The following APEH variants were observed in gnomAD, a reference collection of about 807,000 sequenced individuals.
APEH encodes acylamino-acid-releasing enzyme.
Under a neutral mutation model 102.7 loss-of-function variants are expected in APEH, and 75 were observed. The observed-to-expected ratio is 0.73, with a 90% CI of 0.61 to 0.89. APEH has a LOEUF of 0.89. APEH is among the 40% of genes least tolerant of loss of function. The pLI is 0.00. For synonymous variants in APEH, 344 were observed against 362.7 expected (o/e 0.95, Z 0.59); for missense variants, 863 against 941.2 (o/e 0.92, Z 1.09).
At chr3:49,681,383 G>A in intron 15 of APEH, 144 bp downstream of exon 15, 1 of 1,039,344 alleles carries the variant, frequency 9.6e-7, no homozygotes, top group Non-Finnish European at 1.3e-6. Flanking sequence ...TTGTGGATGG[G>A]CATGGGAAGT....
chr3:49,679,661 G>A lies in APEH; in HGVS notation c.1210+17G>A. ...TCACAGCTGGTGAGCAAGGCTTTGGGGATGGGGGTAAGGGCAGGGCTGGTG... is the reference window on the plus strand; with the variant it reads ...TCACAGCTGGTGAGCAAGGCTTTGGAGATGGGGGTAAGGGCAGGGCTGGTG... On this transcript the variant is annotated intron_variant, in intron 13 of 21. Coordinates refer to ENST00000296456, the MANE Select transcript of APEH (RefSeq NM_001640.4). This position sits in a 1 kb window ranked among gnomAD's most constrained non-coding sequence, Gnocchi z 4.3. The A allele has an allele frequency of 2.5e-6, 4 of 1,613,148 alleles. No individual in the cohort carries two copies. The highest frequency in any genetic ancestry group is 3.4e-6 in the Non-Finnish European group (4 of 1,179,256).
intron 11 of APEH, 54 bp from the exon 12 acceptor site, chr3:49,678,798 C>T: frequency 6.9e-7 from 1 of 1,449,070 alleles, no homozygotes; most frequent in Non-Finnish European, 9.7e-7. Flanking sequence ...TCCTTGTAGA[C>T]TACCCTCCCT....
chr3:49,676,585 C>T (rs752924464), intron 7 of APEH, 24 bp from the exon 8 acceptor site: 8 of 1,614,250 alleles, frequency 5.0e-6, no homozygotes, highest in Non-Finnish European at 6.8e-6. Flanking sequence ...CTTGCTCACT[C>T]CTGCCCTTTG....
Position 49,683,809 on chromosome 3 carries a change from C to G in APEH, c.*467C>G, listed in dbSNP as rs2053466060. ...ACGGCACCCATGGGCAAAAGTAGTC[C>G]CAGGGACATTGCCTTGGTTGGGGAA... is the stretch of plus-strand genomic sequence containing the variant. On this transcript the variant is annotated 3_prime_UTR_variant, in exon 22 of 22. Coordinates refer to ENST00000296456, the MANE Select transcript of APEH (RefSeq NM_001640.4). 1 of 655,126 alleles carries G rather than the reference C, an allele frequency of 1.5e-6. No homozygotes were observed. Among genetic ancestry groups the G allele is most frequent in the African/African-American group, 1.8e-5 (1 of 54,930 alleles). The allele number at this position is 655,126 out of a possible 1,614,324, so 40.6% of individuals were successfully genotyped here. A position where few individuals can be genotyped will look rare whatever the true frequency, so the allele number is the denominator to read the frequency against.
In APEH at chr3:49,676,129, G is replaced by A. The variant is rs779974389; in HGVS notation, c.516G>A (p.Lys172=). ...LLYVAEKKRP[K]AESFFQTKAL... ...ATGTGGCAGAGAAGAAGCGCCCCAA[G>A]GCCGAGTCCTTCTTTCAGACCAAAG... The change falls in exon 6 of 22, where the codon AAG becomes AAA. Residue 172 remains lysine (K), a synonymous_variant. Transcript: ENST00000296456. 6.2e-6 allele frequency: 10 copies of A among 1,614,208 alleles called. No homozygotes were observed. The highest frequency in any genetic ancestry group is 8.5e-6 in the Non-Finnish European group (10 of 1,180,042).
chr3:49,677,478 G>A, intron 10 of APEH, 95 bp from the exon 11 acceptor site: 1 of 1,143,926 alleles, frequency 8.7e-7, no homozygotes, highest in Non-Finnish European at 1.3e-6. Context: ...CCATCTCCTG[G>A]GGCTACCTGA....
In APEH at chr3:49,682,845, G is replaced by T. The variant is rs781655650; in HGVS notation, c.1886G>T (p.Cys629Phe). Reference sequence around the variant, plus strand: ...TGCAACAGCTCGGTGTCTTGCAGGTGCGTGGTGGAGGCTGGCTTTCCTTTC... The same window carrying T: ...TGCAACAGCTCGGTGTCTTGCAGGTTCGTGGTGGAGGCTGGCTTTCCTTTC... ...MLGSTDIPDW[C>F]VVEAGFPFSS... Residue 629 changes from cysteine to phenylalanine, a missense_variant and splice_region_variant, in exon 20 of 22, where the codon TGC (cysteine) becomes TTC (phenylalanine). By Grantham distance (205) the Cys-to-Phe change is radical. Coordinates refer to ENST00000296456, the MANE Select transcript of APEH (RefSeq NM_001640.4). 6 of 1,614,086 alleles carry T rather than the reference G, an allele frequency of 3.7e-6. No homozygotes were observed. In the South Asian group the frequency reaches 6.6e-5, roughly 18 times the overall value.
At chr3:49,678,516 A>G (rs2053172614) in intron 11 of APEH, among the ~76,000 whole-genome samples, 4 of 152,148 alleles carry the variant, frequency 2.6e-5, no homozygotes, top group Admixed American at 2.6e-4. Flanking sequence ...CGGACAGATG[A>G]TATCTTGGTT....
Position 49,683,040 on chromosome 3 carries a change from GT to G in APEH, c.1988del (p.Val663GlyfsTer7), listed in dbSNP as rs1447273269. 2.5e-6 allele frequency: 4 copies of G among 1,613,908 alleles called. No individual in the cohort carries two copies. The highest frequency in any genetic ancestry group is 3.4e-6 in the Non-Finnish European group (4 of 1,179,940). On this transcript the variant is annotated frameshift_variant and splice_region_variant, in exon 21 of 22. Coordinates refer to ENST00000296456, the MANE Select transcript of APEH (RefSeq NM_001640.4). LOFTEE classifies it high-confidence loss of function. Reference sequence around the variant, plus strand: ...TCCCCACTCTTCCCCAAACACCCAGGTGAAGACACCACTGTTACTGATGTTG... The same window carrying G: ...TCCCCACTCTTCCCCAAACACCCAGGGAAGACACCACTGTTACTGATGTTG... ...DKSPIRYIPQVKTPLLLMLGQ... is the reference protein window; with the variant it reads ...DKSPIRYIPQXKTPLLLMLGQ...
Position 49,676,723 on chromosome 3 carries a change from G to C in APEH, c.836+23G>C, listed in dbSNP as rs148822102. On this transcript the variant is annotated intron_variant, in intron 8 of 21. Transcript: ENST00000296456. Reference sequence around the variant, plus strand: ...CAGGTGAGGGAGTGGGGCAAGGCAAGGGGCCTTGCAGCCCAGCTGGCCTTG... The same window carrying C: ...CAGGTGAGGGAGTGGGGCAAGGCAACGGGCCTTGCAGCCCAGCTGGCCTTG... 407 of 1,614,198 alleles carry C rather than the reference G, an allele frequency of 2.5e-4. 3 individuals carry two copies. In the East Asian group the frequency reaches 9.0e-3, roughly 36 times the overall value.
Position 49,679,634 on chromosome 3 carries a change from C to T in APEH, c.1200C>T (p.Ser400=), listed in dbSNP as rs1332105778. The T allele has an allele frequency of 6.2e-7, 1 of 1,613,810 alleles. No individual in the cohort carries two copies. The highest frequency in any genetic ancestry group is 8.5e-7 in the Non-Finnish European group (1 of 1,179,788). ...AVDTQVGTVT[S]LTAGGSGGSW... Reference sequence around the variant, plus strand: ...ACACCCAAGTGGGCACTGTGACCTCCCTCACAGCTGGTGAGCAAGGCTTTG... The same window carrying T: ...ACACCCAAGTGGGCACTGTGACCTCTCTCACAGCTGGTGAGCAAGGCTTTG... The change falls in exon 13 of 22, where the codon TCC becomes TCT. Residue 400 remains serine (S), a synonymous_variant. Transcript: ENST00000296456. This position sits in a 1 kb window ranked among gnomAD's most constrained non-coding sequence, Gnocchi z 4.3.
rs149050354 is a variant in APEH, at chr3:49,676,218, A to G, written c.605A>G (p.Lys202Arg). Residue 202 changes from lysine (K) to arginine (R), a missense_variant and splice_region_variant, in exon 6 of 22, where the codon AAG becomes AGG. Coordinates refer to ENST00000296456, the MANE Select transcript of APEH (RefSeq NM_001640.4). ...ARLKKPDQAI[K>R]GDQFVFYEDW... is the part of the protein sequence containing the mutation. ...CTGAAGAAGCCAGACCAAGCCATCA[A>G]GGTGCTCGTGGTCAATCCACGAAGG... 9.9e-5 allele frequency: 159 copies of G among 1,613,734 alleles called. No individual in the cohort carries two copies. The highest frequency in any genetic ancestry group is 4.7e-5 in the Non-Finnish European group (55 of 1,179,906).
rs771044671 is a variant in APEH at position 49,676,512 on chromosome 3, A to G, written c.741A>G (p.Gly247=). The G allele has an allele frequency of 6.2e-7, 1 of 1,614,232 alleles. No homozygotes were observed. Among genetic ancestry groups the G allele is most frequent in the South Asian group, 1.1e-5 (1 of 91,086 alleles). Residue 247 remains glycine, a synonymous_variant, in exon 7 of 22, where the codon GGA becomes GGG. Transcript: ENST00000296456. ...GGGTCCCTGAGAATGTGTCCCCTGG[A>G]CAGGTCAGCAGCAACAGCCTGTGTC... is the stretch of plus-strand genomic sequence containing the variant. ...LEGVPENVSP[G]QAFWAPGDAG...
chr3:49,674,544 A>C lies in APEH; in HGVS notation c.68A>C (p.Gln23Pro). ...AAALYRGLSR[Q>P]PALSAACLGP... is the part of the protein sequence containing the mutation. ...GCTCTGTATCGGGGCCTTAGCCGCC[A>C]GCCCGCGCTGAGCGCCGCCTGCCTG... Residue 23 changes from glutamine (Q) to proline (P), a missense_variant, in exon 2 of 22, where the codon CAG becomes CCG. Transcript: ENST00000296456. 1 of 1,565,668 alleles carries C rather than the reference A, an allele frequency of 6.4e-7. No individual in the cohort carries two copies. The highest frequency in any genetic ancestry group is 2.3e-5 in the East Asian group (1 of 43,654).
At position 49,677,638 on chromosome 3, in the gene APEH, G is replaced by A. The variant is rs781408120; in HGVS notation, c.1060+5G>A. The A allele has an allele frequency of 2.5e-6, 4 of 1,612,722 alleles. No individual in the cohort carries two copies. The Admixed American group carries it at 6.7e-5, about 27-fold the overall frequency. ...TTGTGCCTCGGCAGCTGGGAGGTAA[G>A]GCATACCTGGCTGGGTGGGTGCAGT... is the stretch of plus-strand genomic sequence containing the variant. On this transcript the variant is annotated splice_donor_5th_base_variant and intron_variant, in intron 11 of 21. Coordinates refer to ENST00000296456, the MANE Select transcript of APEH (RefSeq NM_001640.4).
rs781180291 is a variant in APEH at position 49,674,401 on chromosome 3, T to C, written c.-1T>C. The C allele has an allele frequency of 7.0e-6, 11 of 1,576,788 alleles. No individual in the cohort carries two copies. In the African/African-American group the frequency reaches 8.1e-5, roughly 12 times the overall value. ...CTCGCCCCGGCGGCAGAGAGGAGACTATGGAACGTCAGGTGAGGGCTCGGC... is the reference window on the plus strand; with the variant it reads ...CTCGCCCCGGCGGCAGAGAGGAGACCATGGAACGTCAGGTGAGGGCTCGGC... On this transcript the variant is annotated 5_prime_UTR_variant, in exon 1 of 22. Coordinates refer to ENST00000296456, the MANE Select transcript of APEH (RefSeq NM_001640.4).
At chr3:49,682,490 G>T in intron 18 of APEH, 54 bp downstream of exon 18, 2 of 1,612,340 alleles carry the variant, frequency 1.2e-6, no homozygotes, top group Non-Finnish European at 1.7e-6. Context: ...CCAGGGGGAT[G>T]CCTCCATTCA....
At position 49,676,968 on chromosome 3, in the gene APEH, G is replaced by T; in HGVS notation, c.943G>T (p.Val315Phe). 3.1e-6 allele frequency: 5 copies of T among 1,614,164 alleles called. No homozygotes were observed. The highest frequency in any genetic ancestry group is 2.2e-5 in the East Asian group (1 of 44,888). Reference protein sequence around the residue: ...PRLSPDQCRIVYLQYPSLIPH... With the variant: ...PRLSPDQCRIFYLQYPSLIPH... Reference sequence around the variant, plus strand: ...GCTGAGCCCAGACCAATGTCGCATTGTCTACCTGCAGTACCCATCTCTGAT... The same window carrying T: ...GCTGAGCCCAGACCAATGTCGCATTTTCTACCTGCAGTACCCATCTCTGAT... The change falls in exon 10 of 22, where the codon GTC becomes TTC. Residue 315 changes from valine (V) to phenylalanine (F), a missense_variant. Val to Phe is a conservative substitution (Grantham distance 50). Transcript: ENST00000296456.
Position 49,683,914 on chromosome 3 carries a change from C to A in APEH, c.*572C>A. On this transcript the variant is annotated 3_prime_UTR_variant, in exon 22 of 22. Coordinates refer to ENST00000296456, the MANE Select transcript of APEH (RefSeq NM_001640.4). Reference sequence around the variant, plus strand: ...GAGCCCTAGCAAGGAGTCACTGACACATTTCCTGGAAGCAAAGGCTAAGAA... The same window carrying A: ...GAGCCCTAGCAAGGAGTCACTGACAAATTTCCTGGAAGCAAAGGCTAAGAA... The A allele has an allele frequency of 6.7e-7, 1 of 1,486,918 alleles. No individual in the cohort carries two copies. The highest frequency in any genetic ancestry group is 2.3e-5 in the East Asian group (1 of 43,928). The allele number at this position is 1,486,918 out of a possible 1,614,324, so 92.1% of individuals were successfully genotyped here. A position where few individuals can be genotyped will look rare whatever the true frequency, so the allele number is the denominator to read the frequency against.
Sources: gnomAD v4.1 joint callset for allele counts (sites outside exome capture counted in the v4.1 genomes callset) on GRCh38, gnomAD v4.1.1 for gene constraint, Gnocchi (gnomAD v3.1) non-coding constraint, MANE v1.5 for transcripts, NCBI Gene and HGNC (gene_info 2026-07-23, HGNC 2026-07-21) for gene names.